Variants in CMSS1 observed in about 807,000 individuals in gnomAD.
CMSS1 encodes the protein cms1 ribosomal small subunit homolog.
CMSS1 carries 33 observed loss-of-function variants against 43.5 expected under a neutral mutation model. The observed-to-expected ratio is 0.76, with a 90% CI of 0.57 to 1.01. The LOEUF (loss-of-function observed/expected upper bound fraction) is 1.01, where lower values mean the gene tolerates loss of function less well. Among genes scored for constraint, CMSS1 ranks in the 50% least tolerant of loss-of-function variants. The pLI is 0.00. For missense variants in CMSS1, 313 were observed against 326.4 expected (o/e 0.96, Z 0.32); for synonymous variants, 115 against 117.2 (o/e 0.98, Z 0.12).
At chr3:99,876,286 C>T in intron 1 of CMSS1, 1 of 868,294 alleles carries the variant, frequency 1.2e-6, no homozygotes, top group Non-Finnish European at 1.4e-6. Flanking sequence ...GCGGGACCCT[C>T]GGCCGCGGCG....
At chr3:100,030,510 A>G (rs914576260) in intron 1 of CMSS1, among the ~76,000 whole-genome samples, 3 of 152,134 alleles carry the variant, frequency 2.0e-5, no homozygotes, top group Admixed American at 6.6e-5. Context: ...TGCATGTCTC[A>G]TCTACTCTAG....
At chr3:100,094,377 G>C (rs529097136) in intron 1 of CMSS1, among the ~76,000 whole-genome samples, 1 of 152,182 alleles carries the variant, frequency 6.6e-6, no homozygotes, top group Non-Finnish European at 1.5e-5. Context: ...CCAATATCAA[G>C]ATATTATTTT....
At chr3:99,904,614 T>C (rs1706551866) in intron 1 of CMSS1, among the ~76,000 whole-genome samples, 1 of 152,200 alleles carries the variant, frequency 6.6e-6, no homozygotes, top group Non-Finnish European at 1.5e-5. Context: ...TTTTTTGTTT[T>C]TTTGTTTGTT....
intron 1 of CMSS1, chr3:99,848,867 G>A (rs566997706): frequency 6.2e-7 from 1 of 1,614,092 alleles, no homozygotes; most frequent in Non-Finnish European, 8.5e-7. Flanking sequence ...CCACAGTTCG[G>A]TATCACTGCA....
intron 1 of CMSS1, among the ~76,000 whole-genome samples, chr3:100,062,611 A>C (rs181444149): frequency 3.2e-4 from 48 of 152,320 alleles, no homozygotes; most frequent in African/African-American, 1.2e-3. Context: ...AATTAGAGCT[A>C]CATCACCTCT....
chr3:100,017,991 G>A (rs1451745946), intron 1 of CMSS1, among the ~76,000 whole-genome samples: 1 of 151,946 alleles, frequency 6.6e-6, no homozygotes, highest in Non-Finnish European at 1.5e-5. Context: ...CTCTGAGAAG[G>A]GTATTCAGGA....
intron 1 of CMSS1, among the ~76,000 whole-genome samples, chr3:100,057,237 T>G (rs1202254806): frequency 4.6e-5 from 7 of 152,184 alleles, no homozygotes; most frequent in Admixed American, 4.6e-4. Context: ...CGTTCTAATA[T>G]TCTGTGACTA....
chr3:100,180,810 T>C lies in CMSS1; in HGVS notation c.*2422T>C, dbSNP rs574063803. 210 of 152,244 alleles carry C rather than the reference T, an allele frequency of 1.4e-3. No individual in the cohort carries two copies. The highest frequency in any genetic ancestry group is 4.8e-3 in the African/African-American group (201 of 41,490). The allele number at this position is 152,244 out of a possible 1,614,324, so 9.4% of individuals were successfully genotyped here. A position where few individuals can be genotyped will look rare whatever the true frequency, so the allele number is the denominator to read the frequency against. ...AGGTATCTTTATAGAAATGTCCCAC[T>C]TCTCTGGTACCAATTTTTTGTATTC... is the stretch of plus-strand genomic sequence containing the variant. On this transcript the variant is annotated 3_prime_UTR_variant, in exon 10 of 10. Transcript: ENST00000421999.
In CMSS1 at chr3:100,105,815, C is replaced by T. The variant is rs78473830; in HGVS notation, c.65-41158C>T. ...TTCTCCAAATAGCATACCTCATACT[C>T]AGGCTTTTAACCTCCTGGGATGCAA... On this transcript the variant is annotated intron_variant, in intron 1 of 9. Transcript: ENST00000421999. Among the ~76,000 whole-genome samples, 664 of 152,318 alleles carry T rather than the reference C, an allele frequency of 4.4e-3. 15 individuals carry two copies. Among genetic ancestry groups the T allele is most frequent in the East Asian group, 0.025 (131 of 5,188 alleles).
intron 1 of CMSS1, among the ~76,000 whole-genome samples, chr3:99,906,318 C>A (rs1706617527): frequency 6.6e-6 from 1 of 152,044 alleles, no homozygotes; most frequent in Non-Finnish European, 1.5e-5. Context: ...TGCTTATTTG[C>A]ATATTCTCTT....
At chr3:99,934,989 T>G (rs1352353986) in intron 1 of CMSS1, among the ~76,000 whole-genome samples, 1 of 152,144 alleles carries the variant, frequency 6.6e-6, no homozygotes, top group African/African-American at 2.4e-5. Flanking sequence ...AGACTTCTGG[T>G]CTACTGAGGA....
intron 1 of CMSS1, among the ~76,000 whole-genome samples, chr3:100,031,752 G>C (rs1426735815): frequency 1.3e-5 from 2 of 152,066 alleles, no homozygotes; most frequent in East Asian, 3.9e-4. Context: ...ACGTTTATTT[G>C]CCTCACTTTC....
rs1181175718 is a variant in CMSS1, at chr3:100,168,892, C to CAT, written c.518+1062_518+1063dup. On this transcript the variant is annotated intron_variant, in intron 6 of 9. Coordinates refer to ENST00000421999, the MANE Select transcript of CMSS1 (RefSeq NM_032359.4). ...ATATATATATATATACACACACACA[C>CAT]ATATATATATACACATATATATACA... Among the ~76,000 whole-genome samples, 27 of 150,504 alleles carry CAT rather than the reference C, an allele frequency of 1.8e-4. No homozygotes were observed. In the East Asian group the frequency reaches 2.9e-3, roughly 16 times the overall value.
intron 5 of CMSS1, 26 bp from the exon 6 acceptor site, chr3:100,167,712 T>C: frequency 6.6e-7 from 1 of 1,518,348 alleles, no homozygotes; most frequent in Non-Finnish European, 9.1e-7. Flanking sequence ...ATATTTCAAA[T>C]AATTGTTTTC....
At chr3:100,019,093 G>A (rs923470623) in intron 1 of CMSS1, among the ~76,000 whole-genome samples, 1 of 152,192 alleles carries the variant, frequency 6.6e-6, no homozygotes, top group African/African-American at 2.4e-5. Flanking sequence ...TTGTTCAAGG[G>A]AATGTAAATT....
At chr3:99,896,988 T>C (rs1377806959) in intron 1 of CMSS1, among the ~76,000 whole-genome samples, 1 of 152,168 alleles carries the variant, frequency 6.6e-6, no homozygotes, top group Non-Finnish European at 1.5e-5. Context: ...TGGAGAAAAG[T>C]GCTAGAGAGA....
chr3:100,132,344 A>AGT (rs2066715514), intron 1 of CMSS1, among the ~76,000 whole-genome samples: 1 of 152,224 alleles, frequency 6.6e-6, no homozygotes, highest in Non-Finnish European at 1.5e-5. Context: ...TCAAGGCTAT[A>AGT]GTGAGCTATG....
intron 2 of CMSS1, among the ~76,000 whole-genome samples, chr3:100,157,190 T>C (rs1167286712): frequency 6.6e-6 from 1 of 152,236 alleles, no homozygotes; most frequent in African/African-American, 2.4e-5. Context: ...TGCCTCTACT[T>C]TATCTTCAAG....
chr3:99,954,337 C>T lies in CMSS1; in HGVS notation c.64+136294C>T, dbSNP rs116358270. Reference sequence around the variant, plus strand: ...GAGTATAATATTCATGCTAGACACACTTTGGGCCAGTATCTCACATAATAA... The same window carrying T: ...GAGTATAATATTCATGCTAGACACATTTTGGGCCAGTATCTCACATAATAA... On this transcript the variant is annotated intron_variant, in intron 1 of 9. Coordinates refer to ENST00000421999, the MANE Select transcript of CMSS1 (RefSeq NM_032359.4). Among the ~76,000 whole-genome samples, 930 of 152,296 alleles carry T rather than the reference C, an allele frequency of 6.1e-3. 10 individuals are homozygous for T. The highest frequency in any genetic ancestry group is 0.021 in the African/African-American group (878 of 41,554).
Sources: gnomAD v4.1 joint callset for allele counts (sites outside exome capture counted in the v4.1 genomes callset) on GRCh38, gnomAD v4.1.1 for gene constraint, MANE v1.5 for transcripts, NCBI Gene and HGNC (gene_info 2026-07-23, HGNC 2026-07-21) for gene names.